FLYWCH1: variants seen among roughly 807,000 people sequenced by gnomAD.
FLYWCH1 encodes FLYWCH-type zinc finger-containing protein 1.
Under a neutral mutation model 66.4 loss-of-function variants are expected in FLYWCH1, and 75 were observed. The ratio of observed to expected loss-of-function variants is 1.13; its 90% CI spans 0.94 to 1.37. FLYWCH1 has a LOEUF of 1.37. Among genes scored for constraint, FLYWCH1 ranks in the 40% most tolerant of loss-of-function variants. The probability of loss-of-function intolerance (pLI) is 0.00; values close to 1 mark genes in which losing one functional copy is unlikely to be tolerated. For synonymous variants in FLYWCH1, 595 were observed against 429.9 expected, an observed-to-expected ratio of 1.38 and a Z score of -4.75; for missense variants, 1,334 against 1,001.8, an observed-to-expected ratio of 1.33 and a Z score of -4.48.
intron 7 of FLYWCH1, among the ~76,000 whole-genome samples, chr16:2,937,826 G>GGTAGGCTGAGGT (rs2071081264): frequency 1.3e-5 from 2 of 152,192 alleles, no homozygotes; most frequent in South Asian, 4.1e-4. Flanking sequence ...CTGGCTGAGG[G>GGTAGGCTGAGGT]GTAGGTGGAC....
intron 2 of FLYWCH1, among the ~76,000 whole-genome samples, chr16:2,926,960 C>T (rs569972686): frequency 6.6e-6 from 1 of 152,310 alleles, no homozygotes; most frequent in Admixed American, 6.5e-5. Flanking sequence ...TAGTCTCTAT[C>T]TCGGCAATGC....
chr16:2,939,960 G>T, intron 8 of FLYWCH1, 72 bp from the exon 9 acceptor site: 1 of 1,530,200 alleles, frequency 6.5e-7, no homozygotes. Flanking sequence ...TTAACAAGGT[G>T]TGTGTCCTTG....
At chr16:2,939,146 C>G (rs1291436823) in intron 8 of FLYWCH1, among the ~76,000 whole-genome samples, 2 of 152,106 alleles carry the variant, frequency 1.3e-5, no homozygotes, top group East Asian at 3.9e-4. Flanking sequence ...TCCTGTATAA[C>G]AGTAACAAAT....
intron 2 of FLYWCH1, among the ~76,000 whole-genome samples, chr16:2,928,602 C>T (rs1004516910): frequency 1.3e-5 from 2 of 152,232 alleles, no homozygotes; most frequent in African/African-American, 4.8e-5. Flanking sequence ...GTTAAAGTTA[C>T]AGATTAACAG....
At chr16:2,920,532 T>C (rs544953559) in intron 2 of FLYWCH1, among the ~76,000 whole-genome samples, 1 of 152,010 alleles carries the variant, frequency 6.6e-6, no homozygotes, top group East Asian at 1.9e-4. Flanking sequence ...AAAAACACTT[T>C]TCCACCAAGA....
At chr16:2,924,723 G>T (rs1158179737) in intron 2 of FLYWCH1, among the ~76,000 whole-genome samples, 1 of 152,230 alleles carries the variant, frequency 6.6e-6, no homozygotes, top group Non-Finnish European at 1.5e-5. Context: ...TGAGGGGCCT[G>T]TGGACTTTAA....
intron 4 of FLYWCH1, among the ~76,000 whole-genome samples, chr16:2,931,998 G>T (rs900147622): frequency 2.0e-5 from 3 of 151,756 alleles, no homozygotes; most frequent in African/African-American, 7.3e-5. Context: ...GGCGCCTGTA[G>T]TCCCAGCTAC....
intron 4 of FLYWCH1, among the ~76,000 whole-genome samples, chr16:2,932,866 C>T (rs2070818298): frequency 6.6e-6 from 1 of 151,648 alleles, no homozygotes; most frequent in African/African-American, 2.4e-5. Context: ...ATGAGACTCT[C>T]CTCTGGGTCA....
At chr16:2,947,860 C>G (rs181652050) in intron 9 of FLYWCH1, among the ~76,000 whole-genome samples, 27 of 151,694 alleles carry the variant, frequency 1.8e-4, no homozygotes, top group Admixed American at 3.3e-4. Flanking sequence ...CAGGGAGAAC[C>G]CCATCTCTAC....
chr16:2,929,912 T>C lies in FLYWCH1; in HGVS notation c.227T>C (p.Leu76Pro), dbSNP rs773592183. 1 of 1,613,682 alleles carries C rather than the reference T, an allele frequency of 6.2e-7. No homozygotes were observed. The highest frequency in any genetic ancestry group is 8.5e-7 in the Non-Finnish European group (1 of 1,179,850). ...CTGGAGATGGCTGGCCCCGCCACCC[T>C]CGCCAGCACCTTGCAGATCCTGCCA... The part of the protein sequence containing the change: ...LSLEMAGPAT[L>P]ASTLQILPVE... The change falls in exon 3 of 10, where the codon CTC (leucine) becomes CCC (proline). Residue 76 changes from leucine (L) to proline (P), a missense_variant. Physicochemically the swap from Leu to Pro is moderately conservative, Grantham distance 98. Coordinates refer to ENST00000253928, the MANE Select transcript of FLYWCH1 (RefSeq NM_001308068.2).
At position 2,948,676 on chromosome 16, in the gene FLYWCH1, C is replaced by T; in HGVS notation, c.2112-12C>T. On this transcript the variant is annotated splice_polypyrimidine_tract_variant and intron_variant, in intron 9 of 9. Coordinates refer to ENST00000253928, the MANE Select transcript of FLYWCH1 (RefSeq NM_001308068.2). ...TGATGTGTGCAATGAACATGTGTCT[C>T]TTTGTAATTAGGGACATCAAAGACG... 6.2e-7 allele frequency: 1 copy of T among 1,613,456 alleles called. No individual in the cohort carries two copies.
chr16:2,930,471 G>C lies in FLYWCH1; in HGVS notation c.387G>C (p.Glu129Asp). 1 of 1,515,288 alleles carries C rather than the reference G, an allele frequency of 6.6e-7. No homozygotes were observed. Among genetic ancestry groups the C allele is most frequent in the Non-Finnish European group, 8.8e-7 (1 of 1,134,766 alleles). The allele number at this position is 1,515,288 out of a possible 1,614,324, so 93.9% of individuals were successfully genotyped here. The change falls in exon 4 of 10, where the codon GAG becomes GAC. Residue 129 changes from glutamate (E) to aspartate (D), a missense_variant. By Grantham distance (45) the Glu-to-Asp change is conservative. Coordinates refer to ENST00000253928, the MANE Select transcript of FLYWCH1 (RefSeq NM_001308068.2). ...TCGGGGGCCGCCTCCTGGTGCTGGA[G>C]TCCTTCCTGTACAAGCAGGAGAAGG... ...TPFGGRLLVL[E>D]SFLYKQEKAV...
Position 2,938,274 on chromosome 16 carries a change from C to G in FLYWCH1, c.1868C>G (p.Ala623Gly), listed in dbSNP as rs2071103243. ...ESFLYRKEKA[A>G]GEKVYWMCRD... ...TTCCTCTACAGGAAGGAGAAGGCGGCTGGGGAGAAGGTGTACTGGATGTGC... is the reference window on the plus strand; with the variant it reads ...TTCCTCTACAGGAAGGAGAAGGCGGGTGGGGAGAAGGTGTACTGGATGTGC... The change falls in exon 8 of 10, where the codon GCT (alanine) becomes GGT (glycine). Residue 623 changes from alanine to glycine, a missense_variant. Ala to Gly is a moderately conservative substitution (Grantham distance 60). Coordinates refer to ENST00000253928, the MANE Select transcript of FLYWCH1 (RefSeq NM_001308068.2). 1.9e-6 allele frequency: 3 copies of G among 1,612,636 alleles called. No homozygotes were observed. In the African/African-American group the frequency reaches 4.0e-5, roughly 22 times the overall value.
At position 2,937,146 on chromosome 16, in the gene FLYWCH1, C is replaced by G. The variant is rs1345109547; in HGVS notation, c.1539C>G (p.Pro513=). 6.2e-7 allele frequency: 1 copy of G among 1,609,016 alleles called. No individual in the cohort carries two copies. The highest frequency in any genetic ancestry group is 8.5e-7 in the Non-Finnish European group (1 of 1,178,420). The change falls in exon 7 of 10, where the codon CCC becomes CCG. Residue 513 remains proline, a synonymous_variant. Transcript: ENST00000253928. ...SPGGPEFLKT[P]LGGSFLVYES... is the part of the protein sequence containing the mutation. ...GAGGCCCCGAGTTCCTGAAGACGCC[C>G]CTGGGGGGCAGCTTCCTGGTGTACG...
intron 7 of FLYWCH1, 61 bp downstream of exon 7, chr16:2,937,445 C>A (rs968445221): frequency 1.2e-5 from 18 of 1,468,790 alleles, no homozygotes; most frequent in Non-Finnish European, 1.6e-5. Context: ...GCCCCACACG[C>A]TGGCTGGAGG....
intron 2 of FLYWCH1, among the ~76,000 whole-genome samples, chr16:2,929,182 G>A (rs539943505): frequency 2.6e-5 from 4 of 152,264 alleles, no homozygotes; most frequent in East Asian, 1.9e-4. Flanking sequence ...TCAGCTTCCC[G>A]CCTCTTCAGC....
At chr16:2,921,832 G>C (rs187695814) in intron 2 of FLYWCH1, among the ~76,000 whole-genome samples, 1 of 152,286 alleles carries the variant, frequency 6.6e-6, no homozygotes, top group Admixed American at 6.5e-5. Context: ...GGGAGGCCAA[G>C]ACAGGCAGAT....
At position 2,933,988 on chromosome 16, in the gene FLYWCH1, G is replaced by C. The variant is rs1174067426; in HGVS notation, c.1513+9G>C. On this transcript the variant is annotated intron_variant, in intron 6 of 9. Transcript: ENST00000253928. Reference sequence around the variant, plus strand: ...GCAGCGGGGGAGCCCAGGTACCTGGGGGTGGGCTGGGAGCTGGGCCCCAGG... The same window carrying C: ...GCAGCGGGGGAGCCCAGGTACCTGGCGGTGGGCTGGGAGCTGGGCCCCAGG... The C allele has an allele frequency of 1.3e-6, 2 of 1,514,044 alleles. No individual in the cohort carries two copies. Among genetic ancestry groups the C allele is most frequent in the Non-Finnish European group, 1.8e-6 (2 of 1,129,092 alleles). The allele number at this position is 1,514,044 out of a possible 1,614,324, so 93.8% of individuals were successfully genotyped here.
chr16:2,946,812 A>C (rs946314559), intron 9 of FLYWCH1, among the ~76,000 whole-genome samples: 49 of 152,146 alleles, frequency 3.2e-4, no homozygotes, highest in African/African-American at 1.2e-3. Context: ...AGACCACTTC[A>C]CACCCACTGG....
Sources: gnomAD v4.1 joint callset for allele counts (sites outside exome capture counted in the v4.1 genomes callset) on GRCh38, gnomAD v4.1.1 for gene constraint, MANE v1.5 for transcripts, NCBI Gene and HGNC (gene_info 2026-07-23, HGNC 2026-07-21) for gene names.